Variants in SOBP observed in about 807,000 individuals in gnomAD.
SOBP encodes the protein sine oculis-binding protein homolog.
A neutral mutation model predicts 53.6 loss-of-function variants in SOBP; 4 were observed. The observed-to-expected ratio is 0.07, with a 90% CI of 0.04 to 0.17. The LOEUF (loss-of-function observed/expected upper bound fraction) is 0.17. SOBP is among the 10% of genes least tolerant of loss of function. The probability of loss-of-function intolerance (pLI) is 1.00; values close to 1 mark genes in which losing one functional copy is unlikely to be tolerated. For missense variants in SOBP, 1,088 were observed against 1,204.7 expected, an observed-to-expected ratio of 0.90 and a Z score of 1.43; for synonymous variants, 584 against 522.6, an observed-to-expected ratio of 1.12 and a Z score of -1.60.
Position 107,577,917 on chromosome 6 carries a change from GA to G in SOBP, c.574-9156del, listed in dbSNP as rs371631537. On this transcript the variant is annotated intron_variant, in intron 4 of 6. Coordinates refer to ENST00000317357, the MANE Select transcript of SOBP (RefSeq NM_018013.4). The stretch of plus-strand genomic sequence containing the variant: ...TGAAACTCCATCTCTACTAAAAACA[GA>G]AAAAAATTAGCCAGGCATGGTGGCA... 6.7e-4 allele frequency among the ~76,000 whole-genome samples: 102 copies of G among 151,902 alleles called. No individual in the cohort carries two copies. The East Asian group carries it at 0.018, about 28-fold the overall frequency.
At chr6:107,643,722 A>G (rs1012730573) in intron 6 of SOBP, among the ~76,000 whole-genome samples, 6 of 152,128 alleles carry the variant, frequency 3.9e-5, no homozygotes, top group Non-Finnish European at 7.4e-5. Context: ...CCCAGCCTTT[A>G]TAAGCCATTT....
At chr6:107,550,946 G>C (rs1056305794) in intron 4 of SOBP, among the ~76,000 whole-genome samples, 3 of 152,220 alleles carry the variant, frequency 2.0e-5, no homozygotes, top group Non-Finnish European at 4.4e-5. Flanking sequence ...GAAGTCTTCA[G>C]GAGATAAAGG....
intron 4 of SOBP, among the ~76,000 whole-genome samples, chr6:107,586,320 T>C (rs1785565627): frequency 2.0e-5 from 3 of 152,180 alleles, no homozygotes; most frequent in Admixed American, 2.0e-4. Context: ...ATGAGTGTGC[T>C]GCAGACACGC....
intron 5 of SOBP, among the ~76,000 whole-genome samples, chr6:107,604,763 G>A (rs1445966201): frequency 2.6e-5 from 4 of 152,098 alleles, no homozygotes; most frequent in Non-Finnish European, 4.4e-5. Context: ...TGAGGTTTCC[G>A]GACCCAGACC....
chr6:107,590,387 G>A (rs1224238251), intron 5 of SOBP, among the ~76,000 whole-genome samples: 1 of 152,178 alleles, frequency 6.6e-6, no homozygotes, highest in Non-Finnish European at 1.5e-5. Flanking sequence ...TGTTCAGGAA[G>A]AAGGTCAAAA....
At chr6:107,539,476 C>T (rs1346532289) in intron 4 of SOBP, among the ~76,000 whole-genome samples, 2 of 152,134 alleles carry the variant, frequency 1.3e-5, no homozygotes. Flanking sequence ...CATCTCTGGC[C>T]ATCCTTCTGG....
At chr6:107,644,474 G>A (rs916535750) in intron 6 of SOBP, among the ~76,000 whole-genome samples, 44 of 152,186 alleles carry the variant, frequency 2.9e-4, no homozygotes, top group African/African-American at 8.9e-4. Context: ...CTAAGACATA[G>A]GATCCTGTCT....
intron 4 of SOBP, among the ~76,000 whole-genome samples, chr6:107,575,930 C>T (rs879631745): frequency 5.3e-5 from 8 of 152,164 alleles, no homozygotes; most frequent in Non-Finnish European, 1.2e-4. Context: ...TCATCATCTG[C>T]AGAATGGCTG....
At chr6:107,508,510 C>G (rs936821526) in intron 3 of SOBP, among the ~76,000 whole-genome samples, 1 of 151,814 alleles carries the variant, frequency 6.6e-6, no homozygotes, top group Non-Finnish European at 1.5e-5. Context: ...GCCTGGGAGG[C>G]GGAGGCTGCA....
chr6:107,624,691 A>G (rs1033141951), intron 5 of SOBP, among the ~76,000 whole-genome samples: 2 of 152,216 alleles, frequency 1.3e-5, no homozygotes, highest in Non-Finnish European at 2.9e-5. Flanking sequence ...AAAGATTGCT[A>G]TGGTATGAAT....
chr6:107,532,738 T>C (rs1783866833), intron 3 of SOBP, among the ~76,000 whole-genome samples: 1 of 152,044 alleles, frequency 6.6e-6, no homozygotes, highest in Admixed American at 6.6e-5. Flanking sequence ...CCCATTACCA[T>C]CCCTCCATCC....
chr6:107,628,705 C>G (rs1346279465), intron 5 of SOBP, among the ~76,000 whole-genome samples: 1 of 152,214 alleles, frequency 6.6e-6, no homozygotes, highest in Non-Finnish European at 1.5e-5. Flanking sequence ...AGCCCAGATT[C>G]ATGCCAACAT....
chr6:107,544,260 A>C lies in SOBP; in HGVS notation c.573+10650A>C, dbSNP rs117771385. On this transcript the variant is annotated intron_variant, in intron 4 of 6. Coordinates refer to ENST00000317357, the MANE Select transcript of SOBP (RefSeq NM_018013.4). ...GACACAGTCTGAGGCTAAATGCTTCAAGTTCAGGTGGCCAAAGGAGTAGAA... is the reference window on the plus strand; with the variant it reads ...GACACAGTCTGAGGCTAAATGCTTCCAGTTCAGGTGGCCAAAGGAGTAGAA... 1.6e-3 allele frequency among the ~76,000 whole-genome samples: 244 copies of C among 152,354 alleles called. 1 individual carries two copies. The highest frequency in any genetic ancestry group is 2.7e-3 in the Non-Finnish European group (184 of 68,032).
chr6:107,584,330 A>G (rs1785500633), intron 4 of SOBP, among the ~76,000 whole-genome samples: 1 of 152,076 alleles, frequency 6.6e-6, no homozygotes, highest in African/African-American at 2.4e-5. Flanking sequence ...AGATGAATGC[A>G]CTGAATTACA....
At chr6:107,574,837 G>A (rs1224397239) in intron 4 of SOBP, among the ~76,000 whole-genome samples, 1 of 152,142 alleles carries the variant, frequency 6.6e-6, no homozygotes, top group East Asian at 1.9e-4. Context: ...TCCCCCATGA[G>A]GTGCCAGCTC....
chr6:107,490,748 T>C (rs1490235781), intron 1 of SOBP, 36 bp downstream of exon 1: 2 of 1,487,324 alleles, frequency 1.3e-6, no homozygotes, highest in Non-Finnish European at 1.8e-6. Context: ...GAGACTGAGC[T>C]CTTTCTTGCG....
At chr6:107,650,070 A>G (rs1384950425) in intron 6 of SOBP, among the ~76,000 whole-genome samples, 2 of 152,242 alleles carry the variant, frequency 1.3e-5, no homozygotes, top group African/African-American at 4.8e-5. Flanking sequence ...ATTTTTACTG[A>G]TTAACAAGTA....
intron 5 of SOBP, among the ~76,000 whole-genome samples, chr6:107,588,567 A>G (rs560288016): frequency 6.6e-6 from 1 of 152,352 alleles, no homozygotes; most frequent in East Asian, 1.9e-4. Flanking sequence ...GCAGAAGACC[A>G]CAGAGGCCCT....
chr6:107,527,172 A>T (rs1783687108), intron 3 of SOBP, among the ~76,000 whole-genome samples: 2 of 152,258 alleles, frequency 1.3e-5, no homozygotes. Context: ...CTTCTCAGGC[A>T]CTTAGGAAGA....
Sources: allele counts gnomAD v4.1 joint callset (sites outside exome capture counted in the v4.1 genomes callset), GRCh38; gene constraint gnomAD v4.1.1; transcripts MANE v1.5; gene names NCBI Gene and HGNC (gene_info 2026-07-23, HGNC 2026-07-21).